The following KIAA0825 variants were observed in gnomAD, a reference collection of about 807,000 sequenced individuals.
KIAA0825 encodes the protein KIAA0825.
In KIAA0825, 119 loss-of-function variants were observed where a neutral mutation model predicts 147.6. The ratio of observed to expected loss-of-function variants is 0.81; its 90% CI spans 0.69 to 0.94. The LOEUF (loss-of-function observed/expected upper bound fraction) is 0.94. Among genes scored for constraint, KIAA0825 ranks in the 40% least tolerant of loss-of-function variants. KIAA0825 has a pLI of 0.00. For synonymous variants in KIAA0825, 470 were observed against 518.1 expected (o/e 0.91, Z 1.26); for missense variants, 1,381 against 1,472.7 (o/e 0.94, Z 1.02).
At chr5:94,459,848 A>G (rs1759586924) in intron 12 of KIAA0825, among the ~76,000 whole-genome samples, 1 of 152,146 alleles carries the variant, frequency 6.6e-6, no homozygotes, top group South Asian at 2.1e-4. Context: ...TATACATATG[A>G]AATTTATTAT....
chr5:94,552,172 G>A (rs182898165), intron 2 of KIAA0825, among the ~76,000 whole-genome samples: 1 of 152,018 alleles, frequency 6.6e-6, no homozygotes, highest in Non-Finnish European at 1.5e-5. Flanking sequence ...AAAGAGAAAA[G>A]GAATGACATT....
At position 94,523,954 on chromosome 5, in the gene KIAA0825, G is replaced by A. The variant is rs751355231; in HGVS notation, c.276C>T (p.Asp92=). 6.3e-7 allele frequency: 1 copy of A among 1,598,518 alleles called. No individual in the cohort carries two copies. The highest frequency in any genetic ancestry group is 8.5e-7 in the Non-Finnish European group (1 of 1,172,110). ...TSESSFISHG[D]LIKFFKTLQD... ...CCAGTGTTTTGAAAAATTTTATCAA[G>A]TCTCCATGAGAAATGAAAGATGATT... Residue 92 remains aspartate, a synonymous_variant, in exon 4 of 21, where the codon GAC becomes GAT. Coordinates refer to ENST00000682413, the MANE Select transcript of KIAA0825 (RefSeq NM_001145678.3).
chr5:94,605,591 G>A (rs1417263525), intron 1 of KIAA0825, among the ~76,000 whole-genome samples: 1 of 152,132 alleles, frequency 6.6e-6, no homozygotes, highest in Non-Finnish European at 1.5e-5. Context: ...TTCATTCCCA[G>A]GATGCAAGGT....
At chr5:94,376,152 G>A (rs1328072100) in intron 20 of KIAA0825, among the ~76,000 whole-genome samples, 1 of 152,126 alleles carries the variant, frequency 6.6e-6, no homozygotes, top group Non-Finnish European at 1.5e-5. Context: ...CCTAAATTAT[G>A]CCAGCCATAT....
At chr5:94,354,740 G>T (rs1584230966) in intron 20 of KIAA0825, among the ~76,000 whole-genome samples, 1 of 152,150 alleles carries the variant, frequency 6.6e-6, no homozygotes, top group African/African-American at 2.4e-5. Flanking sequence ...AAAATAAATT[G>T]AGGCCATGGA....
chr5:94,201,599 G>C (rs933378753), intron 20 of KIAA0825, among the ~76,000 whole-genome samples: 5 of 147,832 alleles, frequency 3.4e-5, no homozygotes, highest in Admixed American at 3.3e-4. Context: ...GTTTTTTTTT[G>C]TTTTTTTGGT....
chr5:94,157,790 G>A lies in KIAA0825; in HGVS notation c.3711-3666C>T, dbSNP rs562009780. Among the ~76,000 whole-genome samples, 5 of 152,258 alleles carry A rather than the reference G, an allele frequency of 3.3e-5. No homozygotes were observed. In the South Asian group the frequency reaches 1.0e-3, roughly 32 times the overall value. ...AGTTTTATAGAATCTTATATTTGGG[G>A]AGGTTTCAAGGATGACTGTGTGTTA... On this transcript the variant is annotated intron_variant, in intron 20 of 20. Transcript: ENST00000682413.
intron 5 of KIAA0825, among the ~76,000 whole-genome samples, chr5:94,488,930 A>G (rs1763381548): frequency 6.6e-6 from 1 of 152,186 alleles, no homozygotes; most frequent in African/African-American, 2.4e-5. Context: ...ACACCAGTTT[A>G]TCAACACAGA....
At chr5:94,596,294 G>A (rs1472441176) in intron 1 of KIAA0825, among the ~76,000 whole-genome samples, 1 of 152,092 alleles carries the variant, frequency 6.6e-6, no homozygotes, top group Non-Finnish European at 1.5e-5. Flanking sequence ...TCAAACTTCT[G>A]CATATGGCTA....
At chr5:94,600,599 C>T (rs1034908929) in intron 1 of KIAA0825, among the ~76,000 whole-genome samples, 40 of 152,036 alleles carry the variant, frequency 2.6e-4, no homozygotes, top group African/African-American at 9.4e-4. Flanking sequence ...TTGATTATGC[C>T]TCTGTTAGGG....
At chr5:94,445,704 C>T (rs572804064) in intron 13 of KIAA0825, among the ~76,000 whole-genome samples, 50 of 152,230 alleles carry the variant, frequency 3.3e-4, no homozygotes, top group African/African-American at 1.2e-3. Flanking sequence ...TATATTTAAG[C>T]CATGATAGAA....
chr5:94,384,354 C>T lies in KIAA0825; in HGVS notation c.3710+14G>A. 7 of 1,549,486 alleles carry T rather than the reference C, an allele frequency of 4.5e-6. No homozygotes were observed. Among genetic ancestry groups the T allele is most frequent in the Non-Finnish European group, 6.1e-6 (7 of 1,144,992 alleles). The stretch of plus-strand genomic sequence containing the variant: ...GTCCCTCAACCAGACCCCCAAGGTC[C>T]CCAATTTTATTACCTGTTTTTGAGC... On this transcript the variant is annotated intron_variant, in intron 20 of 20. Transcript: ENST00000682413.
intron 20 of KIAA0825, among the ~76,000 whole-genome samples, chr5:94,245,838 G>C (rs1775578996): frequency 6.6e-6 from 1 of 152,034 alleles, no homozygotes; most frequent in Non-Finnish European, 1.5e-5. Flanking sequence ...TGGCTTGGTG[G>C]GTGCGCGGCG....
intron 20 of KIAA0825, among the ~76,000 whole-genome samples, chr5:94,240,903 A>G (rs529179427): frequency 2.6e-5 from 4 of 152,236 alleles, no homozygotes; most frequent in Non-Finnish European, 5.9e-5. Flanking sequence ...GGTCATTGCT[A>G]TTGTTTCTCA....
intron 14 of KIAA0825, among the ~76,000 whole-genome samples, chr5:94,433,897 C>A (rs1416479844): frequency 6.6e-6 from 1 of 152,202 alleles, no homozygotes; most frequent in African/African-American, 2.4e-5. Context: ...TCAAATGTCA[C>A]TAGCAGGAAA....
intron 20 of KIAA0825, among the ~76,000 whole-genome samples, chr5:94,166,235 C>T (rs775064737): frequency 6.6e-6 from 1 of 152,154 alleles, no homozygotes; most frequent in Non-Finnish European, 1.5e-5. Flanking sequence ...GTTTTGTCCT[C>T]AGGGAGATCA....
intron 1 of KIAA0825, among the ~76,000 whole-genome samples, chr5:94,610,636 T>A (rs1421080216): frequency 6.8e-6 from 1 of 147,452 alleles, no homozygotes; most frequent in Non-Finnish European, 1.5e-5. Context: ...ATGGACTGTG[T>A]GCCTGTAGTC....
chr5:94,474,012 T>C (rs971041393), intron 7 of KIAA0825, among the ~76,000 whole-genome samples: 2 of 152,110 alleles, frequency 1.3e-5, no homozygotes, highest in Non-Finnish European at 2.9e-5. Flanking sequence ...AGCCAAAAAA[T>C]AGCAATAAGA....
At chr5:94,597,589 A>G (rs999994678) in intron 1 of KIAA0825, among the ~76,000 whole-genome samples, 1 of 152,208 alleles carries the variant, frequency 6.6e-6, no homozygotes, top group Non-Finnish European at 1.5e-5. Flanking sequence ...CAATGACAGT[A>G]CTACCCTGAT....
Sources: allele counts gnomAD v4.1 joint callset (sites outside exome capture counted in the v4.1 genomes callset), GRCh38; gene constraint gnomAD v4.1.1; transcripts MANE v1.5; gene names NCBI Gene and HGNC (gene_info 2026-07-23, HGNC 2026-07-21).